DPP6: variants seen among roughly 807,000 people sequenced by gnomAD.
DPP6 encodes the protein dipeptidyl peptidase like 6.
In DPP6, 69 loss-of-function variants were observed where a neutral mutation model predicts 122.6. The observed-to-expected ratio is 0.56, with a 90% CI of 0.46 to 0.69. The LOEUF (loss-of-function observed/expected upper bound fraction) is 0.69. Ranked by LOEUF, DPP6 falls within the 30% of genes least tolerant of loss-of-function variation. The pLI is 0.00. For synonymous variants in DPP6, 418 were observed against 433.1 expected (o/e 0.97, Z 0.43); for missense variants, 928 against 1,116.9 (o/e 0.83, Z 2.41).
At chr7:154,396,845 C>T (rs1055621554) in intron 1 of DPP6, among the ~76,000 whole-genome samples, 1 of 152,122 alleles carries the variant, frequency 6.6e-6, no homozygotes, top group African/African-American at 2.4e-5. Flanking sequence ...CTCAGGAGGC[C>T]AAGGTAGGAG....
At chr7:153,833,254 A>C in the DPP6 span, among the ~76,000 whole-genome samples, 1 of 152,218 alleles carries the variant, frequency 6.6e-6, no homozygotes, top group African/African-American at 2.4e-5. Flanking sequence ...ATAGATCTCC[A>C]TCTCTAGTCC....
chr7:153,916,880 T>C (rs1269665464), intron 1 of DPP6, among the ~76,000 whole-genome samples: 1 of 152,216 alleles, frequency 6.6e-6, no homozygotes, highest in Admixed American at 6.5e-5. Flanking sequence ...TCTATTCTTA[T>C]TTGTATCTAT....
At chr7:154,281,030 G>T (rs890837491) in intron 1 of DPP6, among the ~76,000 whole-genome samples, 3 of 89,694 alleles carry the variant, frequency 3.3e-5, no homozygotes, top group African/African-American at 1.3e-4. Context: ...TTTATTTTTT[G>T]GAGACAGAGT....
intron 1 of DPP6, among the ~76,000 whole-genome samples, chr7:154,207,795 A>AT (rs900174220): frequency 1.3e-5 from 2 of 152,102 alleles, no homozygotes; most frequent in Non-Finnish European, 2.9e-5. Flanking sequence ...AGAAGAAATA[A>AT]TTTTTTTAAC....
chr7:153,858,079 G>A, the DPP6 span, among the ~76,000 whole-genome samples: 1 of 152,184 alleles, frequency 6.6e-6, no homozygotes, highest in African/African-American at 2.4e-5. Flanking sequence ...AAGGACAGTT[G>A]AGGAAGCATT....
intron 10 of DPP6, among the ~76,000 whole-genome samples, 177 bp downstream of exon 10, chr7:154,773,119 C>T (rs139379112): frequency 7.0e-4 from 107 of 152,282 alleles, no homozygotes; most frequent in Non-Finnish European, 1.3e-3. Flanking sequence ...GAAAAGAATA[C>T]CATTCACCAA....
At chr7:154,702,099 T>C (rs1233199194) in intron 7 of DPP6, among the ~76,000 whole-genome samples, 1 of 152,234 alleles carries the variant, frequency 6.6e-6, no homozygotes, top group Non-Finnish European at 1.5e-5. Context: ...CTGGGATTAG[T>C]GATCTTTGAT....
At chr7:153,964,940 T>TTCTTTTTCTTTCTTTCTCTC (rs775438233) in intron 1 of DPP6, among the ~76,000 whole-genome samples, 2 of 86,704 alleles carry the variant, frequency 2.3e-5, no homozygotes, top group African/African-American at 1.2e-4. Flanking sequence ...CTTTCTTTCT[T>TTCTTTTTCTTTCTTTCTCTC]TTTCTTTCTT....
intron 1 of DPP6, among the ~76,000 whole-genome samples, chr7:154,125,771 A>G (rs142706535): frequency 6.6e-6 from 1 of 152,144 alleles, no homozygotes; most frequent in Non-Finnish European, 1.5e-5. Context: ...CAGAGACTCT[A>G]TTGTGTTCAG....
At chr7:153,868,472 G>T in the DPP6 span, among the ~76,000 whole-genome samples, 2 of 152,188 alleles carry the variant, frequency 1.3e-5, no homozygotes, top group Non-Finnish European at 2.9e-5. Flanking sequence ...ATGGTAGTTT[G>T]TATTTCTGTG....
At chr7:153,968,788 C>T (rs982534448) in intron 1 of DPP6, 5 of 151,086 alleles carry the variant, frequency 3.3e-5, no homozygotes, top group Non-Finnish European at 5.9e-5. Flanking sequence ...AAATAGCCAT[C>T]GCTGTAGTAT....
intron 11 of DPP6, 50 bp from the exon 12 acceptor site, chr7:154,795,795 A>G (rs1798011963): frequency 1.5e-6 from 1 of 672,620 alleles, no homozygotes; most frequent in Non-Finnish European, 1.8e-6. Context: ...AAAAAAAAAA[A>G]AGAAAAGAAA....
intron 1 of DPP6, among the ~76,000 whole-genome samples, chr7:154,212,253 C>G (rs6974435): frequency 0.75 from 114,078 of 152,064 alleles, 43,552 homozygotes; most frequent in Non-Finnish European, 0.83. Context: ...CATTTCAGGA[C>G]AGTTTCCCCA....
At chr7:154,310,878 T>G (rs1050497816) in intron 1 of DPP6, among the ~76,000 whole-genome samples, 1 of 152,194 alleles carries the variant, frequency 6.6e-6, no homozygotes, top group East Asian at 1.9e-4. Context: ...TTTATGGAAA[T>G]GAGCTGTGCC....
chr7:154,766,913 C>G (rs73728227), intron 8 of DPP6, among the ~76,000 whole-genome samples: 4 of 152,166 alleles, frequency 2.6e-5, no homozygotes, highest in African/African-American at 7.2e-5. Flanking sequence ...CCCTTGCCCC[C>G]CCTTGCCTAG....
chr7:154,172,527 G>A (rs937632980), intron 1 of DPP6, among the ~76,000 whole-genome samples: 25 of 152,014 alleles, frequency 1.6e-4, no homozygotes, highest in Non-Finnish European at 7.4e-5. Flanking sequence ...TGGATAAAGT[G>A]CATTTCTGAG....
chr7:154,396,944 C>A (rs1177658744), intron 1 of DPP6, among the ~76,000 whole-genome samples: 1 of 151,730 alleles, frequency 6.6e-6, no homozygotes, highest in Non-Finnish European at 1.5e-5. Context: ...CACTCCATCT[C>A]AAAAACAAAA....
intron 1 of DPP6, among the ~76,000 whole-genome samples, chr7:154,060,266 GC>G (rs1563149116): frequency 7.7e-5 from 8 of 103,864 alleles, no homozygotes; most frequent in African/African-American, 8.0e-5. Flanking sequence ...GGCACCCCCC[GC>G]GAGGCAGGGA....
At chr7:154,508,397 T>C (rs920246237) in intron 3 of DPP6, among the ~76,000 whole-genome samples, 2 of 152,284 alleles carry the variant, frequency 1.3e-5, no homozygotes, top group Admixed American at 6.5e-5. Context: ...CTGTGGTATC[T>C]ATAAGGGCTC....
Sources: gnomAD v4.1 joint callset for allele counts (sites outside exome capture counted in the v4.1 genomes callset) on GRCh38, gnomAD v4.1.1 for gene constraint, MANE v1.5 for transcripts, NCBI Gene and HGNC (gene_info 2026-07-23, HGNC 2026-07-21) for gene names.